Variants in ERC2 observed in about 807,000 individuals in gnomAD.
ERC2 encodes the protein ERC protein 2.
ERC2 carries 42 observed loss-of-function variants against 114.8 expected under a neutral mutation model. The observed-to-expected ratio is 0.37, with a 90% CI of 0.29 to 0.47. ERC2 has a LOEUF of 0.47. ERC2 is among the 20% of genes least tolerant of loss of function. The probability of loss-of-function intolerance (pLI) is 0.99; values close to 1 mark genes in which losing one functional copy is unlikely to be tolerated. For synonymous variants in ERC2, 454 were observed against 425.5 expected, an observed-to-expected ratio of 1.07 and a Z score of -0.82; for missense variants, 939 against 1,150.7, an observed-to-expected ratio of 0.82 and a Z score of 2.66.
At chr3:55,882,819 GA>G (rs2063174748) in intron 14 of ERC2, among the ~76,000 whole-genome samples, 1 of 152,126 alleles carries the variant, frequency 6.6e-6, no homozygotes, top group Admixed American at 6.5e-5. Flanking sequence ...CTCTCCTTTT[GA>G]ATCAAGTTGG....
chr3:56,362,397 C>G (rs1019480084), intron 2 of ERC2, among the ~76,000 whole-genome samples: 1 of 152,300 alleles, frequency 6.6e-6, no homozygotes, highest in South Asian at 2.1e-4. Context: ...GTACATCACA[C>G]CTTCCCATTC....
intron 17 of ERC2, among the ~76,000 whole-genome samples, chr3:55,628,507 C>T (rs2059613994): frequency 6.6e-6 from 1 of 152,148 alleles, no homozygotes. Flanking sequence ...TTTCTATTTA[C>T]TTATGCCTTT....
chr3:55,956,957 G>A (rs972087059), intron 12 of ERC2, among the ~76,000 whole-genome samples: 1 of 150,022 alleles, frequency 6.7e-6, no homozygotes, highest in African/African-American at 2.5e-5. Flanking sequence ...GGCTACACAA[G>A]GGCCCAGAGA....
chr3:56,303,710 G>A (rs963498294), intron 2 of ERC2, among the ~76,000 whole-genome samples: 2 of 152,202 alleles, frequency 1.3e-5, no homozygotes, highest in Non-Finnish European at 2.9e-5. Flanking sequence ...TTGAGAGAGC[G>A]AACTGGGACT....
intron 17 of ERC2, among the ~76,000 whole-genome samples, chr3:55,597,822 T>C (rs886540827): frequency 1.3e-5 from 2 of 152,232 alleles, no homozygotes; most frequent in African/African-American, 2.4e-5. Context: ...GATATAGACC[T>C]TGCCCCTAGA....
intron 14 of ERC2, among the ~76,000 whole-genome samples, chr3:55,795,023 A>G (rs577868043): frequency 6.6e-6 from 1 of 152,326 alleles, no homozygotes; most frequent in South Asian, 2.1e-4. Context: ...TCCTTCCCTG[A>G]GCCTGTTACA....
At chr3:56,321,477 C>T (rs2057123450) in intron 2 of ERC2, among the ~76,000 whole-genome samples, 1 of 152,204 alleles carries the variant, frequency 6.6e-6, no homozygotes, top group Non-Finnish European at 1.5e-5. Flanking sequence ...AATGACAATT[C>T]AGGAATCTGG....
chr3:56,171,800 G>T (rs2082682748), intron 4 of ERC2, among the ~76,000 whole-genome samples: 2 of 148,944 alleles, frequency 1.3e-5, no homozygotes, highest in Non-Finnish European at 3.0e-5. Context: ...CACATTAGAA[G>T]AGATGTTTCT....
chr3:55,550,376 C>G (rs2055084022), intron 17 of ERC2, among the ~76,000 whole-genome samples: 1 of 152,150 alleles, frequency 6.6e-6, no homozygotes, highest in Admixed American at 6.5e-5. Flanking sequence ...GAAATGTAAG[C>G]TGCTTGAGGG....
At chr3:56,018,451 T>A (rs185609907) in intron 8 of ERC2, among the ~76,000 whole-genome samples, 22 of 151,984 alleles carry the variant, frequency 1.4e-4, no homozygotes, top group South Asian at 8.3e-4. Flanking sequence ...TATGGTACAG[T>A]TGAAAATCTA....
chr3:56,397,066 A>C (rs927454709), intron 2 of ERC2, among the ~76,000 whole-genome samples: 1 of 152,240 alleles, frequency 6.6e-6, no homozygotes, highest in Non-Finnish European at 1.5e-5. Context: ...AGCCCAAAGG[A>C]CAATGTCTGT....
intron 3 of ERC2, among the ~76,000 whole-genome samples, chr3:56,225,768 G>A (rs1387784645): frequency 6.6e-6 from 1 of 152,082 alleles, no homozygotes; most frequent in Non-Finnish European, 1.5e-5. Flanking sequence ...CTGTGTTTAG[G>A]TAGCATTGAC....
intron 6 of ERC2, among the ~76,000 whole-genome samples, chr3:56,112,018 G>A (rs1560192089): frequency 6.6e-6 from 1 of 152,154 alleles, no homozygotes; most frequent in Non-Finnish European, 1.5e-5. Context: ...CAGAGAATCT[G>A]TGCAGAATAA....
At chr3:55,514,693 G>A (rs1036326771) in intron 17 of ERC2, among the ~76,000 whole-genome samples, 8 of 152,160 alleles carry the variant, frequency 5.3e-5, no homozygotes, top group South Asian at 2.1e-4. Context: ...CTACAACCAC[G>A]AGGAAATGAA....
chr3:55,731,819 AT>A (rs1180223231), intron 15 of ERC2, among the ~76,000 whole-genome samples: 1 of 152,206 alleles, frequency 6.6e-6, no homozygotes, highest in Non-Finnish European at 1.5e-5. Context: ...GCTCAAAAGT[AT>A]TAGTAATTGT....
chr3:55,865,244 G>A lies in ERC2; in HGVS notation c.2564+23145C>T, dbSNP rs75521954. On this transcript the variant is annotated intron_variant, in intron 14 of 17. Coordinates refer to ENST00000288221, the MANE Select transcript of ERC2 (RefSeq NM_015576.3). ...AAATATAAGTTGATTGAATTCAAAT[G>A]AGTGAGTTTCACTTCAAGCACCAGT... 1.2e-4 allele frequency among the ~76,000 whole-genome samples: 18 copies of A among 152,250 alleles called. No individual in the cohort carries two copies. In the East Asian group the frequency reaches 3.5e-3, roughly 29 times the overall value.
At chr3:56,387,253 T>G (rs1389107662) in intron 2 of ERC2, among the ~76,000 whole-genome samples, 1 of 152,214 alleles carries the variant, frequency 6.6e-6, no homozygotes, top group Non-Finnish European at 1.5e-5. Flanking sequence ...ATGAAAGTGT[T>G]TAACCAATTT....
intron 15 of ERC2, among the ~76,000 whole-genome samples, chr3:55,704,800 C>T (rs978413170): frequency 6.6e-6 from 1 of 152,226 alleles, no homozygotes; most frequent in African/African-American, 2.4e-5. Flanking sequence ...GATGTAAAGG[C>T]TTCTACTGTG....
chr3:56,226,104 A>T (rs573693245), intron 3 of ERC2, among the ~76,000 whole-genome samples: 25 of 152,342 alleles, frequency 1.6e-4, no homozygotes, highest in African/African-American at 5.8e-4. Flanking sequence ...GATCCTAAGC[A>T]AATGAAATCT....
Sources: allele counts gnomAD v4.1 joint callset (sites outside exome capture counted in the v4.1 genomes callset), GRCh38; gene constraint gnomAD v4.1.1; transcripts MANE v1.5; gene names NCBI Gene and HGNC (gene_info 2026-07-23, HGNC 2026-07-21).